FTO: variants seen among roughly 807,000 people sequenced by gnomAD.
FTO encodes FTO alpha-ketoglutarate dependent dioxygenase.
In FTO, 47 loss-of-function variants were observed where a neutral mutation model predicts 63.9. That is an observed-to-expected ratio of 0.74 (90% CI 0.58 to 0.94). FTO has a LOEUF of 0.94. FTO is among the 40% of genes least tolerant of loss of function. FTO has a pLI of 0.00. For missense variants in FTO, 562 were observed against 618.1 expected (o/e 0.91, Z 0.96); for synonymous variants, 207 against 224.4 (o/e 0.92, Z 0.69).
chr16:53,970,983 T>A (rs1300091911), intron 8 of FTO, among the ~76,000 whole-genome samples: 1 of 152,234 alleles, frequency 6.6e-6, no homozygotes, highest in African/African-American at 2.4e-5. Flanking sequence ...CAAACAACTA[T>A]TAATATGTTT....
intron 8 of FTO, among the ~76,000 whole-genome samples, chr16:54,041,848 ATCC>A (rs1216953975): frequency 6.6e-6 from 1 of 152,202 alleles, no homozygotes; most frequent in Non-Finnish European, 1.5e-5. Flanking sequence ...GTGTCTAACA[ATCC>A]TCCTGAAACG....
At chr16:53,884,097 T>C (rs887121152) in intron 6 of FTO, among the ~76,000 whole-genome samples, 4 of 152,352 alleles carry the variant, frequency 2.6e-5, no homozygotes, top group Middle Eastern at 3.4e-3. Context: ...CTGTGTGGGT[T>C]GAAAAGTGGT....
chr16:53,995,746 G>T (rs1316557186), intron 8 of FTO, among the ~76,000 whole-genome samples: 1 of 152,186 alleles, frequency 6.6e-6, no homozygotes, highest in African/African-American at 2.4e-5. Context: ...GTGCATAGAG[G>T]TCTCTTGATT....
intron 8 of FTO, among the ~76,000 whole-genome samples, chr16:54,084,189 G>A (rs1228082535): frequency 3.3e-5 from 5 of 152,198 alleles, no homozygotes; most frequent in African/African-American, 4.8e-5. Context: ...GTCCTTGAAC[G>A]TGTTATTTAA....
At chr16:53,783,296 T>C (rs1440402448) in intron 1 of FTO, among the ~76,000 whole-genome samples, 1 of 151,590 alleles carries the variant, frequency 6.6e-6, no homozygotes, top group Admixed American at 6.6e-5. Context: ...CCCGGCCAAG[T>C]TGGTGAAACA....
chr16:53,813,520 C>T (rs1012922748), intron 2 of FTO, among the ~76,000 whole-genome samples: 1 of 152,118 alleles, frequency 6.6e-6, no homozygotes, highest in Non-Finnish European at 1.5e-5. Flanking sequence ...CCAAAGTACA[C>T]CTTCTAGGAA....
intron 8 of FTO, among the ~76,000 whole-genome samples, chr16:54,077,341 T>A (rs1338373384): frequency 6.6e-6 from 1 of 152,122 alleles, no homozygotes; most frequent in Non-Finnish European, 1.5e-5. Context: ...AAACGCTGTG[T>A]GGAGTCAAGT....
intron 1 of FTO, among the ~76,000 whole-genome samples, chr16:53,774,997 AC>A (rs2077429564): frequency 6.6e-6 from 1 of 152,016 alleles, no homozygotes; most frequent in Non-Finnish European, 1.5e-5. Flanking sequence ...TTTATTTTTG[AC>A]TTCTGATTCT....
At chr16:53,931,396 T>G (rs528680342) in intron 7 of FTO, among the ~76,000 whole-genome samples, 1 of 146,876 alleles carries the variant, frequency 6.8e-6, no homozygotes, top group African/African-American at 2.5e-5. Context: ...AACCTCCGCC[T>G]CCTGGGTTCA....
intron 2 of FTO, among the ~76,000 whole-genome samples, chr16:53,816,210 T>C (rs1170180485): frequency 6.6e-6 from 1 of 152,130 alleles, no homozygotes; most frequent in Admixed American, 6.5e-5. Flanking sequence ...CTAAAATGTA[T>C]GAAAAATCTG....
At chr16:53,980,052 C>T (rs1417745319) in intron 8 of FTO, among the ~76,000 whole-genome samples, 3 of 152,200 alleles carry the variant, frequency 2.0e-5, no homozygotes, top group African/African-American at 7.2e-5. Flanking sequence ...GCGAACCAGG[C>T]TTGCTTAGCT....
intron 8 of FTO, among the ~76,000 whole-genome samples, chr16:54,023,474 A>G (rs763841466): frequency 6.6e-6 from 1 of 152,182 alleles, no homozygotes; most frequent in Non-Finnish European, 1.5e-5. Context: ...TCTACCAAGG[A>G]TAATAATCTC....
At chr16:54,016,306 A>C (rs200821718) in intron 8 of FTO, among the ~76,000 whole-genome samples, 3 of 101,902 alleles carry the variant, frequency 2.9e-5, no homozygotes, top group Admixed American at 9.6e-5. Context: ...AAAAAAAAAA[A>C]AAAAAAAAAC....
intron 7 of FTO, among the ~76,000 whole-genome samples, chr16:53,897,253 A>G (rs1362534904): frequency 2.0e-5 from 3 of 152,066 alleles, no homozygotes; most frequent in East Asian, 1.9e-4. Flanking sequence ...GACAGTCTCA[A>G]TTGTAAATTT....
intron 1 of FTO, among the ~76,000 whole-genome samples, chr16:53,744,569 C>A (rs1334590604): frequency 6.6e-6 from 1 of 152,106 alleles, no homozygotes; most frequent in Non-Finnish European, 1.5e-5. Context: ...TGGGAGCAGT[C>A]CCCAGCACTA....
intron 8 of FTO, among the ~76,000 whole-genome samples, chr16:53,936,142 A>C (rs1177144432): frequency 1.3e-5 from 2 of 152,236 alleles, no homozygotes; most frequent in Admixed American, 6.5e-5. Context: ...ACTGCTAACA[A>C]TTTAATCAGG....
intron 1 of FTO, among the ~76,000 whole-genome samples, chr16:53,795,254 T>C (rs1478717844): frequency 6.6e-6 from 1 of 152,186 alleles, no homozygotes; most frequent in Non-Finnish European, 1.5e-5. Flanking sequence ...TACTAAGGAA[T>C]TCATTCAGAA....
At chr16:54,003,985 T>G (rs2084133499) in intron 8 of FTO, among the ~76,000 whole-genome samples, 1 of 152,168 alleles carries the variant, frequency 6.6e-6, no homozygotes, top group South Asian at 2.1e-4. Flanking sequence ...AAAATAAGAT[T>G]ATCTTATATG....
chr16:53,748,134 C>T (rs909068369), intron 1 of FTO, among the ~76,000 whole-genome samples: 3 of 152,030 alleles, frequency 2.0e-5, no homozygotes, highest in Non-Finnish European at 2.9e-5. Flanking sequence ...CTTGGATATT[C>T]AGGGTTTTTT....
Sources: gnomAD v4.1 joint callset for allele counts (sites outside exome capture counted in the v4.1 genomes callset) on GRCh38, gnomAD v4.1.1 for gene constraint, MANE v1.5 for transcripts, NCBI Gene and HGNC (gene_info 2026-07-23, HGNC 2026-07-21) for gene names.